Variants in ARID4B observed in about 807,000 individuals in gnomAD.
The protein encoded by ARID4B is AT-rich interaction domain 4B, also known as AT-rich interactive domain-containing protein 4B.
A neutral mutation model predicts 147.5 loss-of-function variants in ARID4B; 26 were observed. That is an observed-to-expected ratio of 0.18 (90% confidence interval 0.13 to 0.24). The LOEUF (loss-of-function observed/expected upper bound fraction) is 0.24, where lower values mean the gene tolerates loss of function less well. ARID4B is among the 10% of genes least tolerant of loss of function. ARID4B has a pLI of 1.00. For missense variants in ARID4B, 1,179 were observed against 1,511.5 expected, an observed-to-expected ratio of 0.78 and a Z score of 3.65; for synonymous variants, 512 against 507.9, an observed-to-expected ratio of 1.01 and a Z score of -0.11.
At chr1:235,271,822 C>T (rs1219706409) in intron 2 of ARID4B, among the ~76,000 whole-genome samples, 1 of 151,410 alleles carries the variant, frequency 6.6e-6, no homozygotes, top group East Asian at 1.9e-4. Flanking sequence ...TGGTGGCAGG[C>T]ACCTGTAATG....
In ARID4B at chr1:235,220,516, C is replaced by A. The variant is rs1255552845; in HGVS notation, c.1193G>T (p.Arg398Ile). ...CATCTGAAATTCAATGTTGGCTGAT[C>A]TACAGTACTCCTCAAAACCATATAA... is the stretch of plus-strand genomic sequence containing the variant. ...KYLYGFEEYC[R>I]SANIEFQMAL... The change falls in exon 15 of 24, where the codon AGA becomes ATA. Residue 398 changes from arginine to isoleucine, a missense_variant. Physicochemically the swap from Arg to Ile is moderately conservative, Grantham distance 97. Transcript: ENST00000264183. 3 of 1,610,812 alleles carry A rather than the reference C, an allele frequency of 1.9e-6. No homozygotes were observed. Among genetic ancestry groups the A allele is most frequent in the Non-Finnish European group, 1.7e-6 (2 of 1,178,356 alleles).
intron 2 of ARID4B, among the ~76,000 whole-genome samples, chr1:235,284,389 A>G (rs958052104): frequency 2.0e-4 from 30 of 152,294 alleles, no homozygotes; most frequent in African/African-American, 5.5e-4. Context: ...CAAGGCCTAA[A>G]TTATCTGCTC....
chr1:235,229,197 A>T, intron 11 of ARID4B, 34 bp downstream of exon 11: 1 of 1,593,916 alleles, frequency 6.3e-7, no homozygotes, highest in Non-Finnish European at 8.5e-7. Context: ...ACTGTTATTT[A>T]TAATTTTAAA....
At chr1:235,314,267 C>T (rs1021891074) in intron 2 of ARID4B, among the ~76,000 whole-genome samples, 1 of 152,150 alleles carries the variant, frequency 6.6e-6, no homozygotes, top group African/African-American at 2.4e-5. Flanking sequence ...CAGGCTTCCT[C>T]TAATAATACA....
chr1:235,222,478 C>A (rs1355309608), intron 13 of ARID4B, among the ~76,000 whole-genome samples: 2 of 152,022 alleles, frequency 1.3e-5, no homozygotes, highest in Non-Finnish European at 2.9e-5. Context: ...CTGCTTTAAT[C>A]CCTTTATATT....
chr1:235,205,927 C>T (rs914225422), intron 17 of ARID4B, among the ~76,000 whole-genome samples: 16 of 152,010 alleles, frequency 1.1e-4, no homozygotes, highest in Admixed American at 4.6e-4. Flanking sequence ...AAAACGGTGT[C>T]GTCTCTGTGG....
At chr1:235,265,884 G>A (rs1468585434) in intron 2 of ARID4B, among the ~76,000 whole-genome samples, 1 of 151,944 alleles carries the variant, frequency 6.6e-6, no homozygotes, top group Non-Finnish European at 1.5e-5. Flanking sequence ...AGAGGGCCCA[G>A]CACACATTGC....
At chr1:235,229,848 T>C (rs12070455) in intron 10 of ARID4B, among the ~76,000 whole-genome samples, 6,082 of 152,304 alleles carry the variant, frequency 0.04, 456 homozygotes, top group African/African-American at 0.14. Flanking sequence ...ATTAAAACTA[T>C]GGTAACAATT....
At chr1:235,286,377 G>A (rs1402276973) in intron 2 of ARID4B, among the ~76,000 whole-genome samples, 2 of 152,166 alleles carry the variant, frequency 1.3e-5, no homozygotes, top group Non-Finnish European at 2.9e-5. Context: ...ATCAGGTGCT[G>A]GTTAGGAACC....
At chr1:235,221,040 G>C (rs946866591) in intron 14 of ARID4B, among the ~76,000 whole-genome samples, 1 of 152,204 alleles carries the variant, frequency 6.6e-6, no homozygotes, top group Admixed American at 6.5e-5. Flanking sequence ...TGGGACTACA[G>C]GCGTTAGCCA....
At chr1:235,215,749 GTTTTTTA>G (rs1361082821) in intron 16 of ARID4B, among the ~76,000 whole-genome samples, 1 of 151,618 alleles carries the variant, frequency 6.6e-6, no homozygotes, top group Non-Finnish European at 1.5e-5. Flanking sequence ...CACCCAGATA[GTTTTTTA>G]TTTTTTATTT....
chr1:235,313,056 AT>A (rs1330938339), intron 2 of ARID4B, among the ~76,000 whole-genome samples: 1 of 152,100 alleles, frequency 6.6e-6, no homozygotes, highest in Non-Finnish European at 1.5e-5. Context: ...GAAAAGTTGA[AT>A]TTTTGAGATG....
intron 2 of ARID4B, among the ~76,000 whole-genome samples, chr1:235,273,362 C>T (rs529195273): frequency 2.2e-3 from 334 of 152,212 alleles, no homozygotes; most frequent in African/African-American, 7.8e-3. Context: ...TGTTCTTAAA[C>T]TTAAAAAAAG....
chr1:235,263,191 T>C (rs1670396230), intron 2 of ARID4B, among the ~76,000 whole-genome samples: 1 of 152,052 alleles, frequency 6.6e-6, no homozygotes, highest in South Asian at 2.1e-4. Flanking sequence ...TAAAAATAAA[T>C]TAAAACTGAT....
chr1:235,190,362 C>T (rs948350412), intron 19 of ARID4B, among the ~76,000 whole-genome samples: 1 of 151,964 alleles, frequency 6.6e-6, no homozygotes, highest in Non-Finnish European at 1.5e-5. Flanking sequence ...GCAGGAGAAA[C>T]ACTTGAACCC....
At chr1:235,293,239 A>T (rs904805265) in intron 2 of ARID4B, among the ~76,000 whole-genome samples, 1 of 152,240 alleles carries the variant, frequency 6.6e-6, no homozygotes, top group African/African-American at 2.4e-5. Context: ...AATATATGCT[A>T]CTAGAGGATT....
chr1:235,181,548 C>T, intron 20 of ARID4B, 37 bp downstream of exon 20: 2 of 1,588,590 alleles, frequency 1.3e-6, no homozygotes, highest in South Asian at 1.1e-5. Flanking sequence ...AGAGGGGAAA[C>T]CCTAAAATAA....
intron 10 of ARID4B, among the ~76,000 whole-genome samples, chr1:235,229,766 G>A (rs973566311): frequency 2.6e-5 from 4 of 151,924 alleles, no homozygotes; most frequent in African/African-American, 9.7e-5. Context: ...ACCAGGCACA[G>A]AGCCATTAAA....
chr1:235,232,367 C>T (rs370079721), intron 9 of ARID4B, among the ~76,000 whole-genome samples: 255 of 152,098 alleles, frequency 1.7e-3, no homozygotes, highest in African/African-American at 5.8e-3. Context: ...TTGCAGTGAG[C>T]TGAGATTGCG....
Sources: allele counts gnomAD v4.1 joint callset (sites outside exome capture counted in the v4.1 genomes callset), GRCh38; gene constraint gnomAD v4.1.1; transcripts MANE v1.5; gene names NCBI Gene and HGNC (gene_info 2026-07-23, HGNC 2026-07-21).